CSMD1: variants seen among roughly 807,000 people sequenced by gnomAD.
The protein encoded by CSMD1 is CUB and sushi domain-containing protein 1.
A neutral mutation model predicts 417.5 loss-of-function variants in CSMD1; 213 were observed. The observed-to-expected ratio is 0.51, with a 90% CI of 0.46 to 0.57. CSMD1 has a LOEUF of 0.57. Ranked by LOEUF, CSMD1 falls within the 20% of genes least tolerant of loss-of-function variation. CSMD1 has a pLI of 0.00. For synonymous variants in CSMD1, 2,862 were observed against 1,736.8 expected (o/e 1.65, Z -16.11); for missense variants, 6,923 against 4,529.7 (o/e 1.53, Z -15.17).
chr8:3,380,259 G>A (rs1810552807), intron 18 of CSMD1, among the ~76,000 whole-genome samples: 1 of 152,160 alleles, frequency 6.6e-6, no homozygotes, highest in Non-Finnish European at 1.5e-5. Context: ...GAGAGGCTGT[G>A]GAGAAACAGG....
chr8:4,245,586 C>T (rs1429621685), intron 3 of CSMD1, among the ~76,000 whole-genome samples: 1 of 152,144 alleles, frequency 6.6e-6, no homozygotes, highest in African/African-American at 2.4e-5. Flanking sequence ...CACAATCGAT[C>T]AGCTGGTCAA....
intron 3 of CSMD1, among the ~76,000 whole-genome samples, chr8:4,356,854 C>G (rs548503372): frequency 7.6e-4 from 116 of 152,308 alleles, no homozygotes; most frequent in African/African-American, 2.6e-3. Context: ...TATCTCTGCC[C>G]TTTCCTCTAA....
chr8:4,521,103 T>G (rs1259846500), intron 2 of CSMD1, among the ~76,000 whole-genome samples: 1 of 152,206 alleles, frequency 6.6e-6, no homozygotes, highest in African/African-American at 2.4e-5. Context: ...TTTTGCAATT[T>G]TCCCTACAAC....
chr8:3,381,237 A>G, intron 18 of CSMD1, among the ~76,000 whole-genome samples: 1 of 152,108 alleles, frequency 6.6e-6, no homozygotes, highest in East Asian at 1.9e-4. Flanking sequence ...GACAAGCCCC[A>G]TGTCGGTACC....
chr8:3,525,035 C>T (rs576136640), intron 10 of CSMD1, among the ~76,000 whole-genome samples: 1 of 152,086 alleles, frequency 6.6e-6, no homozygotes, highest in Admixed American at 6.5e-5. Flanking sequence ...TGCCCCAATC[C>T]CTTGGTCCAA....
intron 3 of CSMD1, among the ~76,000 whole-genome samples, chr8:4,382,185 G>A (rs1241355241): frequency 6.6e-6 from 1 of 152,208 alleles, no homozygotes; most frequent in Non-Finnish European, 1.5e-5. Context: ...TATATAATTA[G>A]GAAGAATAAA....
chr8:4,422,836 A>C (rs1183388882), intron 2 of CSMD1, among the ~76,000 whole-genome samples: 1 of 152,146 alleles, frequency 6.6e-6, no homozygotes, highest in Non-Finnish European at 1.5e-5. Flanking sequence ...ACGATGATCA[A>C]ATGGTGTTTA....
In CSMD1 at chr8:4,596,661, G is replaced by A. The variant is rs557705538; in HGVS notation, c.302+40681C>T. ...TGTTGTTATTTCCTTTTAATAGTACGTTTGCTGTTTGAACACTCGGTCTAA... is the reference window on the plus strand; with the variant it reads ...TGTTGTTATTTCCTTTTAATAGTACATTTGCTGTTTGAACACTCGGTCTAA... On this transcript the variant is annotated intron_variant, in intron 2 of 69. Transcript: ENST00000635120. Among the ~76,000 whole-genome samples, 5 of 152,154 alleles carry A rather than the reference G, an allele frequency of 3.3e-5. No homozygotes were observed. The South Asian group carries it at 1.0e-3, about 32-fold the overall frequency.
At chr8:4,191,592 G>T (rs752833134) in intron 3 of CSMD1, among the ~76,000 whole-genome samples, 1 of 152,024 alleles carries the variant, frequency 6.6e-6, no homozygotes, top group East Asian at 1.9e-4. Flanking sequence ...CTGTTCTTCA[G>T]CTGTTTAAGC....
At chr8:4,280,974 A>T (rs1796750050) in intron 3 of CSMD1, among the ~76,000 whole-genome samples, 2 of 152,204 alleles carry the variant, frequency 1.3e-5, no homozygotes, top group African/African-American at 4.8e-5. Flanking sequence ...GTTTCCCAGT[A>T]ATAGAATAAA....
chr8:3,514,668 T>G (rs1026330318), intron 10 of CSMD1, among the ~76,000 whole-genome samples: 1 of 152,222 alleles, frequency 6.6e-6, no homozygotes, highest in African/African-American at 2.4e-5. Flanking sequence ...CAAATTTTTT[T>G]TATCATATTT....
intron 5 of CSMD1, among the ~76,000 whole-genome samples, chr8:3,917,232 G>A (rs1808892276): frequency 6.6e-6 from 1 of 152,148 alleles, no homozygotes; most frequent in African/African-American, 2.4e-5. Flanking sequence ...TCCTGTGGTT[G>A]AAATGCAACC....
chr8:4,416,160 A>T (rs1796925785), intron 3 of CSMD1, among the ~76,000 whole-genome samples: 1 of 152,198 alleles, frequency 6.6e-6, no homozygotes, highest in African/African-American at 2.4e-5. Flanking sequence ...CAAAGCAAGT[A>T]GTGATTCTAG....
chr8:3,458,113 C>A (rs1284563156), intron 12 of CSMD1, among the ~76,000 whole-genome samples: 2 of 152,186 alleles, frequency 1.3e-5, no homozygotes, highest in African/African-American at 4.8e-5. Context: ...CAGCGCTTAA[C>A]CTCCGTGTCA....
chr8:3,206,269 G>GT, intron 30 of CSMD1, among the ~76,000 whole-genome samples: 1 of 80,546 alleles, frequency 1.2e-5, no homozygotes, highest in African/African-American at 4.8e-5. Flanking sequence ...GTGTGGGGGG[G>GT]TATGTCTCTG....
chr8:3,382,152 G>T (rs183213303), intron 18 of CSMD1, among the ~76,000 whole-genome samples: 2 of 151,774 alleles, frequency 1.3e-5, no homozygotes, highest in African/African-American at 4.8e-5. Context: ...CCGGCTGCTC[G>T]GGAGGCTGAG....
At chr8:3,497,923 G>A (rs903508883) in intron 10 of CSMD1, among the ~76,000 whole-genome samples, 1 of 152,084 alleles carries the variant, frequency 6.6e-6, no homozygotes, top group African/African-American at 2.4e-5. Flanking sequence ...TCACAATGGT[G>A]GTTATCACCC....
rs376154088 is a variant in CSMD1, at chr8:3,371,447, A to G, written c.2783-2077T>C. 1.1e-4 allele frequency among the ~76,000 whole-genome samples: 16 copies of G among 150,908 alleles called. No homozygotes were observed. The East Asian group carries it at 2.8e-3, about 26-fold the overall frequency. On this transcript the variant is annotated intron_variant, in intron 18 of 69. Coordinates refer to ENST00000635120, the MANE Select transcript of CSMD1 (RefSeq NM_033225.6). ...AAGTGAAACATCACTCAGTGTCACA[A>G]TTTACTATGCATTTCACAAGGTTCC...
At chr8:3,997,039 C>T (rs1398249824) in intron 5 of CSMD1, among the ~76,000 whole-genome samples, 1 of 152,144 alleles carries the variant, frequency 6.6e-6, no homozygotes, top group East Asian at 1.9e-4. Context: ...CCAACATTTC[C>T]TCTGTGTCTA....
Sources: allele counts gnomAD v4.1 joint callset (sites outside exome capture counted in the v4.1 genomes callset), GRCh38; gene constraint gnomAD v4.1.1; transcripts MANE v1.5; gene names NCBI Gene and HGNC (gene_info 2026-07-23, HGNC 2026-07-21).